Variants in CPA4 observed in about 807,000 individuals in gnomAD.
CPA4 encodes the protein carboxypeptidase A4.
In CPA4, 49 loss-of-function variants were observed where a neutral mutation model predicts 54.7. The ratio of observed to expected loss-of-function variants is 0.90; its 90% CI spans 0.71 to 1.14. CPA4 has a LOEUF of 1.14. CPA4 is among the 50% of genes most tolerant of loss of function. CPA4 has a pLI of 0.00. For synonymous variants in CPA4, 215 were observed against 206.8 expected (o/e 1.04, Z -0.34); for missense variants, 487 against 525.1 (o/e 0.93, Z 0.71).
At chr7:130,320,628 A>G (rs566210303) in intron 10 of CPA4, among the ~76,000 whole-genome samples, 25 of 152,328 alleles carry the variant, frequency 1.6e-4, no homozygotes, top group Non-Finnish European at 2.9e-4. Context: ...GCTTGTTAAT[A>G]TACTCACTAG....
Position 130,323,400 on chromosome 7 carries a change from G to T in CPA4, c.*724G>T, listed in dbSNP as rs1794155072. 1 of 152,152 alleles carries T rather than the reference G, an allele frequency of 6.6e-6. No individual in the cohort carries two copies. Among genetic ancestry groups the T allele is most frequent in the South Asian group, 2.1e-4 (1 of 4,822 alleles). The allele number at this position is 152,152 out of a possible 1,614,324, so 9.4% of individuals were successfully genotyped here. On this transcript the variant is annotated 3_prime_UTR_variant, in exon 11 of 11. Coordinates refer to ENST00000222482, the MANE Select transcript of CPA4 (RefSeq NM_016352.4). The stretch of plus-strand genomic sequence containing the variant: ...ATGCCTGGCTAATTTTGTGTTTTTA[G>T]TAGAGACAGGGTTTCTCCATGTTGG...
intron 4 of CPA4, among the ~76,000 whole-genome samples, chr7:130,302,535 T>G (rs1750020250): frequency 6.6e-6 from 1 of 151,656 alleles, no homozygotes; most frequent in African/African-American, 2.4e-5. Context: ...ACGCAACCAC[T>G]TAGGCTTTCT....
intron 7 of CPA4, among the ~76,000 whole-genome samples, chr7:130,307,573 A>G (rs955817133): frequency 6.8e-6 from 1 of 147,060 alleles, no homozygotes; most frequent in Non-Finnish European, 1.5e-5. Flanking sequence ...CGGAGCTTGC[A>G]GTGAGCCGAG....
chr7:130,298,663 G>C, intron 1 of CPA4, 83 bp from the exon 2 acceptor site: 1 of 828,768 alleles, frequency 1.2e-6, no homozygotes, highest in Non-Finnish European at 2.1e-6. Flanking sequence ...GTTACGTCTG[G>C]GATAGGAGGC....
At chr7:130,300,576 C>T (rs1028470629) in intron 3 of CPA4, among the ~76,000 whole-genome samples, 4 of 151,896 alleles carry the variant, frequency 2.6e-5, no homozygotes, top group East Asian at 1.9e-4. Context: ...CCTCGTGATC[C>T]GCCCGCCTCA....
intron 10 of CPA4, among the ~76,000 whole-genome samples, chr7:130,321,669 A>G (rs1794103772): frequency 5.3e-5 from 8 of 152,212 alleles, no homozygotes; most frequent in Admixed American, 3.3e-4. Context: ...GGCAAAAGGC[A>G]TGTCTTACAT....
intron 5 of CPA4, among the ~76,000 whole-genome samples, chr7:130,305,404 G>GC (rs1332353489): frequency 2.0e-5 from 3 of 152,188 alleles, no homozygotes; most frequent in Admixed American, 6.5e-5. Context: ...GCTATAGCGA[G>GC]CCCCCCTTCT....
chr7:130,308,020 G>A lies in CPA4; in HGVS notation c.703-287G>A, dbSNP rs545593768. 4.5e-4 allele frequency: 184 copies of A among 413,128 alleles called. 3 individuals carry two copies. In the South Asian group the frequency reaches 5.3e-3, roughly 12 times the overall value. 25.6% of individuals were successfully genotyped at this position (413,128 alleles called of 1,614,324 possible). A position where few individuals can be genotyped will look rare whatever the true frequency, so the allele number is the denominator to read the frequency against. On this transcript the variant is annotated intron_variant, in intron 7 of 10. Transcript: ENST00000222482. Reference sequence around the variant, plus strand: ...ATATAGTGTCCATTTGCCCACTTCTGCCAAAGCCAAAAATTATTCAGTGGA... The same window carrying A: ...ATATAGTGTCCATTTGCCCACTTCTACCAAAGCCAAAAATTATTCAGTGGA...
chr7:130,306,433 G>C (rs998956523), intron 6 of CPA4, among the ~76,000 whole-genome samples: 2 of 152,218 alleles, frequency 1.3e-5, no homozygotes, highest in Non-Finnish European at 2.9e-5. Context: ...GGTGCATGTG[G>C]AGGACACATC....
In CPA4 at chr7:130,310,190, A is replaced by G. The variant is rs796352258; in HGVS notation, c.794-597A>G. Among the ~76,000 whole-genome samples, 1 of 152,196 alleles carries G rather than the reference A, an allele frequency of 6.6e-6. No homozygotes were observed. The highest frequency in any genetic ancestry group is 1.5e-5 in the Non-Finnish European group (1 of 68,034). On this transcript the variant is annotated intron_variant, in intron 8 of 10. Transcript: ENST00000222482. The surrounding 1 kb of genome is among the most constrained non-coding windows in gnomAD (Gnocchi z 4.3). ...TGTGGGAACTCAGAGCTTCAAAGTT[A>G]AGTCAGATATTCCCACCACTGGGGT... is the stretch of plus-strand genomic sequence containing the variant.
At position 130,310,236 on chromosome 7, in the gene CPA4, ACACACACACG is replaced by A. The variant is rs936649161; in HGVS notation, c.794-541_794-532del. Among the ~76,000 whole-genome samples the A allele has an allele frequency of 1.8e-3, 237 of 132,994 alleles. No individual in the cohort carries two copies. The highest frequency in any genetic ancestry group is 7.8e-3 in the African/African-American group (216 of 27,804). 87.2% of individuals were successfully genotyped at this position (132,994 alleles called of 152,430 possible). ...GGGGTGGTTTCAGTCACATTCATAC[ACACACACACG>A]CACACACACACGTATGCACGTGTGC... On this transcript the variant is annotated intron_variant, in intron 8 of 10. Transcript: ENST00000222482. The surrounding 1 kb of genome is among the most constrained non-coding windows in gnomAD (Gnocchi z 4.3).
chr7:130,306,738 T>G, intron 6 of CPA4, 49 bp from the exon 7 acceptor site: 1 of 1,079,138 alleles, frequency 9.3e-7, no homozygotes, highest in Admixed American at 1.7e-5. Flanking sequence ...TCAGCCCTAA[T>G]GGCCCATCCT....
At chr7:130,297,479 G>T (rs1380257756) in intron 1 of CPA4, among the ~76,000 whole-genome samples, 1 of 152,136 alleles carries the variant, frequency 6.6e-6, no homozygotes, top group Non-Finnish European at 1.5e-5. Flanking sequence ...GGACCAGGTG[G>T]GTTGGGAGAA....
chr7:130,322,491 C>T lies in CPA4; in HGVS notation c.1081C>T (p.Pro361Ser). Reference protein sequence around the residue: ...QVGPTCTTVYPASGSSIDWAY... With the variant: ...QVGPTCTTVYSASGSSIDWAY... ...GTGTTTTGTCCTCCGACTTACAGAT[C>T]CAGCTAGCGGGAGCAGCATCGACTG... Residue 361 changes from proline to serine, a missense_variant and splice_region_variant, in exon 11 of 11, where the codon CCA becomes TCA. By Grantham distance (74) the Pro-to-Ser change is moderately conservative. Transcript: ENST00000222482. 3 of 1,612,594 alleles carry T rather than the reference C, an allele frequency of 1.9e-6. No homozygotes were observed. The highest frequency in any genetic ancestry group is 2.5e-6 in the Non-Finnish European group (3 of 1,179,082).
rs1793886563 is a variant in CPA4 at position 130,310,008 on chromosome 7, C to A, written c.794-779C>A. On this transcript the variant is annotated intron_variant, in intron 8 of 10. Transcript: ENST00000222482. The surrounding 1 kb of genome is among the most constrained non-coding windows in gnomAD (Gnocchi z 4.3). ...TCTTGAACTTCTGGGCTTAAGTGAT[C>A]CTTCCACCTCAGCCTCTCAAAGTGC... Among the ~76,000 whole-genome samples the A allele has an allele frequency of 6.6e-6, 1 of 152,170 alleles. No individual in the cohort carries two copies. Among genetic ancestry groups the A allele is most frequent in the African/African-American group, 2.4e-5 (1 of 41,438 alleles).
chr7:130,314,239 T>A (rs1422838321), intron 10 of CPA4, among the ~76,000 whole-genome samples: 1 of 152,152 alleles, frequency 6.6e-6, no homozygotes, highest in Admixed American at 6.5e-5. Context: ...TACAGGGAAA[T>A]TTTCCTTAGA....
chr7:130,293,673 G>A (rs574859963), intron 1 of CPA4, among the ~76,000 whole-genome samples: 26 of 152,284 alleles, frequency 1.7e-4, no homozygotes, highest in Non-Finnish European at 3.1e-4. Flanking sequence ...TGGGTCTCAA[G>A]CTTGTTGGTT....
chr7:130,312,948 TC>T (rs1231538498), intron 10 of CPA4, among the ~76,000 whole-genome samples: 1 of 152,144 alleles, frequency 6.6e-6, no homozygotes, highest in Non-Finnish European at 1.5e-5. Context: ...GTTGGAATGT[TC>T]CTGGTCACGC....
At chr7:130,308,174 G>A in intron 7 of CPA4, 133 bp from the exon 8 acceptor site, 1 of 736,418 alleles carries the variant, frequency 1.4e-6, no homozygotes, top group Admixed American at 2.0e-5. Context: ...GCTCAATGAG[G>A]ACTAGGAGCC....
Sources: gnomAD v4.1 joint callset for allele counts (sites outside exome capture counted in the v4.1 genomes callset) on GRCh38, gnomAD v4.1.1 for gene constraint, Gnocchi (gnomAD v3.1) non-coding constraint, MANE v1.5 for transcripts, NCBI Gene and HGNC (gene_info 2026-07-23, HGNC 2026-07-21) for gene names.